Variants in LIX1L observed in about 807,000 individuals in gnomAD.
The protein encoded by LIX1L is LIX1-like protein.
A neutral mutation model predicts 34.0 loss-of-function variants in LIX1L; 20 were observed. That is an observed-to-expected ratio of 0.59 (90% CI 0.41 to 0.85). LIX1L has a LOEUF of 0.85. LIX1L is among the 40% of genes least tolerant of loss of function. The pLI is 0.00. For synonymous variants in LIX1L, 170 were observed against 187.4 expected (o/e 0.91, Z 0.76); for missense variants, 397 against 447.0 (o/e 0.89, Z 1.01).
At chr1:145,955,258 C>T (rs1649431812) in intron 1 of LIX1L, among the ~76,000 whole-genome samples, 2 of 152,154 alleles carry the variant, frequency 1.3e-5, no homozygotes, top group Non-Finnish European at 2.9e-5. Context: ...GTGTGTGTAT[C>T]TTGGGTAAGT....
chr1:145,955,060 C>A lies in LIX1L; in HGVS notation c.292+2576G>T, dbSNP rs587598175. On this transcript the variant is annotated intron_variant, in intron 1 of 5. Coordinates refer to ENST00000604000, the MANE Select transcript of LIX1L (RefSeq NM_153713.3). Reference sequence around the variant, plus strand: ...CTCCATCAAGATAGGGACTAAATATCTGCCTTGTCCACCACTGCATCTGGT... The same window carrying A: ...CTCCATCAAGATAGGGACTAAATATATGCCTTGTCCACCACTGCATCTGGT... Among the ~76,000 whole-genome samples the A allele has an allele frequency of 7.2e-4, 110 of 152,328 alleles. 1 individual carries two copies. The highest frequency in any genetic ancestry group is 1.4e-3 in the Non-Finnish European group (94 of 68,030).
chr1:145,950,730 TA>T (rs1271339248), intron 1 of LIX1L, among the ~76,000 whole-genome samples: 1 of 152,208 alleles, frequency 6.6e-6, no homozygotes, highest in African/African-American at 2.4e-5. Flanking sequence ...AGGAATCCCA[TA>T]TCTCACCAGG....
At chr1:145,951,099 T>G (rs965517050) in intron 1 of LIX1L, among the ~76,000 whole-genome samples, 1 of 152,112 alleles carries the variant, frequency 6.6e-6, no homozygotes, top group Non-Finnish European at 1.5e-5. Context: ...CAGGCTGGAG[T>G]GCAGTGGCGC....
intron 4 of LIX1L, 37 bp downstream of exon 4, chr1:145,937,567 C>G: frequency 7.8e-7 from 1 of 1,279,494 alleles, no homozygotes; most frequent in Non-Finnish European, 1.1e-6. Context: ...CAGGCTGACC[C>G]ATGTTATTAG....
chr1:145,946,929 TA>T (rs1323575497), intron 2 of LIX1L, among the ~76,000 whole-genome samples: 5 of 152,202 alleles, frequency 3.3e-5, no homozygotes, highest in Non-Finnish European at 7.3e-5. Flanking sequence ...GTCTGCAATG[TA>T]AAAAATCCAT....
At chr1:145,936,790 T>C (rs1648662729) in intron 5 of LIX1L, 118 bp downstream of exon 5, 2 of 844,816 alleles carry the variant, frequency 2.4e-6, no homozygotes, top group Non-Finnish European at 4.0e-6. Flanking sequence ...AGGTAAGGCT[T>C]TCAATATTCA....
chr1:145,948,435 T>C lies in LIX1L; in HGVS notation c.293-653A>G, dbSNP rs1483826334. ...TTCCAATGAATATTCTTTTATGCAA[T>C]ACTGCTGGCTCAAGGAAATATAGCC... On this transcript the variant is annotated intron_variant, in intron 1 of 5. Coordinates refer to ENST00000604000, the MANE Select transcript of LIX1L (RefSeq NM_153713.3). The surrounding 1 kb of genome is among the most constrained non-coding windows in gnomAD (Gnocchi z 4.0). Among the ~76,000 whole-genome samples the C allele has an allele frequency of 6.6e-6, 1 of 152,212 alleles. No homozygotes were observed. Among genetic ancestry groups the C allele is most frequent in the African/African-American group, 2.4e-5 (1 of 41,448 alleles).
intron 1 of LIX1L, among the ~76,000 whole-genome samples, chr1:145,957,435 T>A (rs142902143): frequency 6.5e-4 from 99 of 152,294 alleles, no homozygotes; most frequent in Non-Finnish European, 4.7e-4. Context: ...AATATATTAA[T>A]AACTCAGTAA....
At chr1:145,955,880 G>C (rs1177720564) in intron 1 of LIX1L, among the ~76,000 whole-genome samples, 1 of 152,174 alleles carries the variant, frequency 6.6e-6, no homozygotes, top group Non-Finnish European at 1.5e-5. Context: ...GTTTTTACAG[G>C]ATGTCCAGTT....
chr1:145,937,187 CTTAT>C (rs1359290477), intron 4 of LIX1L, among the ~76,000 whole-genome samples: 3 of 148,912 alleles, frequency 2.0e-5, no homozygotes, highest in African/African-American at 5.0e-5. Flanking sequence ...TACTTACTTA[CTTAT>C]TTGAGACAGA....
At chr1:145,936,610 C>T in intron 5 of LIX1L, 58 bp from the exon 6 acceptor site, 1 of 1,593,862 alleles carries the variant, frequency 6.3e-7, no homozygotes, top group East Asian at 2.2e-5. Context: ...TATCATACCA[C>T]ACTGACCCAA....
intron 2 of LIX1L, among the ~76,000 whole-genome samples, chr1:145,945,478 G>T (rs1356236562): frequency 1.3e-5 from 2 of 152,020 alleles, no homozygotes; most frequent in East Asian, 3.9e-4. Flanking sequence ...CAGGCACGGT[G>T]GCTCACGCCT....
chr1:145,957,804 G>T lies in LIX1L; in HGVS notation c.124C>A (p.Pro42Thr). ...GCGGGAGGCGGCGGGGCAGGCGGGG[G>T]GCCCGCAGGGGGTGTGGCGGTGGCG... ...AAATATPPAG[P>T]PPAPPPPAPP... is the part of the protein sequence containing the mutation. The change falls in exon 1 of 6, where the codon CCC becomes ACC. Residue 42 changes from proline (P) to threonine (T), a missense_variant. Physicochemically the swap from Pro to Thr is conservative, Grantham distance 38. Transcript: ENST00000604000. 1 of 1,355,868 alleles carries T rather than the reference G, an allele frequency of 7.4e-7. No individual in the cohort carries two copies. The highest frequency in any genetic ancestry group is 1.5e-5 in the African/African-American group (1 of 65,600). 84.0% of individuals were successfully genotyped at this position (1,355,868 alleles called of 1,614,324 possible). A position where few individuals can be genotyped will look rare whatever the true frequency, so the allele number is the denominator to read the frequency against.
Position 145,935,070 on chromosome 1 carries a change from G to C in LIX1L, c.*1240C>G. 6.6e-6 allele frequency: 1 copy of C among 151,558 alleles called. No individual in the cohort carries two copies. Among genetic ancestry groups the C allele is most frequent in the South Asian group, 2.1e-4 (1 of 4,788 alleles). The allele number at this position is 151,558 out of a possible 1,614,324, so 9.4% of individuals were successfully genotyped here. On this transcript the variant is annotated 3_prime_UTR_variant, in exon 6 of 6. Coordinates refer to ENST00000604000, the MANE Select transcript of LIX1L (RefSeq NM_153713.3). ...TAATCCCAGCTACTCGGGAAGCTGAGGCAAGAGAATCGCTTGAACCCTGGA... is the reference window on the plus strand; with the variant it reads ...TAATCCCAGCTACTCGGGAAGCTGACGCAAGAGAATCGCTTGAACCCTGGA...
At chr1:145,954,474 T>C in intron 1 of LIX1L, among the ~76,000 whole-genome samples, 1 of 152,082 alleles carries the variant, frequency 6.6e-6, no homozygotes, top group East Asian at 1.9e-4. Context: ...AACAACTAAA[T>C]AGAAAATACT....
rs782689158 is a variant in LIX1L, at chr1:145,957,888, C to T, written c.40G>A (p.Gly14Ser). The stretch of plus-strand genomic sequence containing the variant: ...CGGAGAGTGCCCCTCCCGCTGGTGC[C>T]CACACCAGGCTGCAGCCGCTGCGCT... ...MRAQRLQPGV[G>S]TSGRGTLRAL... The change falls in exon 1 of 6, where the codon GGC (glycine) becomes AGC (serine). Residue 14 changes from glycine (G) to serine (S), a missense_variant. Transcript: ENST00000604000. 1 of 1,486,136 alleles carries T rather than the reference C, an allele frequency of 6.7e-7. No individual in the cohort carries two copies. Among genetic ancestry groups the T allele is most frequent in the Non-Finnish European group, 8.9e-7 (1 of 1,121,778 alleles). 92.1% of individuals were successfully genotyped at this position (1,486,136 alleles called of 1,614,324 possible). A position where few individuals can be genotyped will look rare whatever the true frequency, so the allele number is the denominator to read the frequency against.
chr1:145,936,680 G>A (rs754232876), intron 5 of LIX1L, 128 bp from the exon 6 acceptor site: 343 of 1,175,768 alleles, frequency 2.9e-4, no homozygotes, highest in Non-Finnish European at 3.9e-4. Flanking sequence ...GTTCTTCAAG[G>A]AGATTCTTAA....
chr1:145,941,992 T>G (rs1648938017), intron 3 of LIX1L: 1 of 151,950 alleles, frequency 6.6e-6, no homozygotes. Context: ...CAAGCCATTC[T>G]CCTGCCTCAG....
intron 1 of LIX1L, among the ~76,000 whole-genome samples, chr1:145,953,590 C>A (rs1553760038): frequency 1.3e-5 from 2 of 152,154 alleles, no homozygotes; most frequent in African/African-American, 2.4e-5. Context: ...GGAGGGGACT[C>A]TGGTAGACTG....
Sources: allele counts gnomAD v4.1 joint callset (sites outside exome capture counted in the v4.1 genomes callset), GRCh38; gene constraint gnomAD v4.1.1; non-coding constraint Gnocchi (gnomAD v3.1); transcripts MANE v1.5; gene names NCBI Gene and HGNC (gene_info 2026-07-23, HGNC 2026-07-21).